ADK: variants seen among roughly 807,000 people sequenced by gnomAD.
ADK encodes N6,N6-dimethyladenosine kinase.
In ADK, 24 loss-of-function variants were observed where a neutral mutation model predicts 44.7. The ratio of observed to expected loss-of-function variants is 0.54; its 90% CI spans 0.39 to 0.76. The LOEUF (loss-of-function observed/expected upper bound fraction) is 0.76, where lower values mean the gene tolerates loss of function less well. ADK is among the 30% of genes least tolerant of loss of function. The pLI, the probability that ADK is intolerant of heterozygous loss-of-function variation, is 0.00. For missense variants in ADK, 321 were observed against 425.1 expected, an observed-to-expected ratio of 0.76 and a Z score of 2.15; for synonymous variants, 128 against 142.6, an observed-to-expected ratio of 0.90 and a Z score of 0.73.
At chr10:74,638,605 A>G (rs1396625851) in intron 9 of ADK, among the ~76,000 whole-genome samples, 2 of 152,236 alleles carry the variant, frequency 1.3e-5, no homozygotes, top group Non-Finnish European at 2.9e-5. Flanking sequence ...ACAGTGAGCT[A>G]TGATCATACC....
At position 74,553,190 on chromosome 10, in the gene ADK, G is replaced by GTTTTTTTTT. The variant is rs386371837; in HGVS notation, c.726+27785_726+27793dup. ...ACAAGACAATTTTTCAGCACATTGT[G>GTTTTTTTTT]TTTTTTTTTTTTTTTTTTTTTTTTT... On this transcript the variant is annotated intron_variant, in intron 7 of 10. Transcript: ENST00000539909. 1.3e-4 allele frequency among the ~76,000 whole-genome samples: 8 copies of GTTTTTTTTT among 60,438 alleles called. 1 individual carries two copies. The highest frequency in any genetic ancestry group is 2.8e-4 in the African/African-American group (4 of 14,378). 39.6% of individuals were successfully genotyped at this position (60,438 alleles called of 152,430 possible). A position where few individuals can be genotyped will look rare whatever the true frequency, so the allele number is the denominator to read the frequency against.
chr10:74,172,137 C>CTT (rs3998223), intron 1 of ADK, among the ~76,000 whole-genome samples: 15,536 of 122,396 alleles, frequency 0.13, 984 homozygotes, highest in Middle Eastern at 0.18. Context: ...CATGGATTTT[C>CTT]TTTTTTTTTT....
At chr10:74,435,276 T>C (rs1845143583) in intron 6 of ADK, among the ~76,000 whole-genome samples, 1 of 152,222 alleles carries the variant, frequency 6.6e-6, no homozygotes, top group Non-Finnish European at 1.5e-5. Context: ...CATTTACATT[T>C]ATTTAATGTT....
intron 1 of ADK, among the ~76,000 whole-genome samples, chr10:74,180,209 TTA>T (rs71790321): frequency 0.16 from 15,042 of 95,664 alleles, 825 homozygotes; most frequent in Middle Eastern, 0.29. Context: ...TCTTTTCTTT[TTA>T]TTATTATTAT....
chr10:74,276,471 A>G (rs1397360426), intron 3 of ADK, among the ~76,000 whole-genome samples: 1 of 152,204 alleles, frequency 6.6e-6, no homozygotes. Flanking sequence ...CAGATAACAA[A>G]TTGACACAAA....
At chr10:74,337,377 C>T (rs1841443087) in intron 4 of ADK, among the ~76,000 whole-genome samples, 1 of 152,136 alleles carries the variant, frequency 6.6e-6, no homozygotes, top group Non-Finnish European at 1.5e-5. Flanking sequence ...TTGCACCTGC[C>T]TGGTGCTGTG....
At chr10:74,436,213 T>C (rs1352711489) in intron 6 of ADK, among the ~76,000 whole-genome samples, 1 of 152,096 alleles carries the variant, frequency 6.6e-6, no homozygotes, top group Non-Finnish European at 1.5e-5. Context: ...GTAAACTAAA[T>C]TCACAAGATG....
intron 3 of ADK, among the ~76,000 whole-genome samples, chr10:74,233,327 G>C (rs946536975): frequency 3.9e-5 from 6 of 152,210 alleles, no homozygotes; most frequent in Non-Finnish European, 5.9e-5. Flanking sequence ...GGAGGTTCGT[G>C]TGTTGTGGGC....
At chr10:74,182,484 T>C (rs1842597007) in intron 1 of ADK, among the ~76,000 whole-genome samples, 1 of 152,082 alleles carries the variant, frequency 6.6e-6, no homozygotes, top group South Asian at 2.1e-4. Flanking sequence ...TTATCCTCTC[T>C]CAGCCTCCTG....
chr10:74,309,023 A>G (rs2131785117), intron 3 of ADK, among the ~76,000 whole-genome samples: 1 of 152,300 alleles, frequency 6.6e-6, no homozygotes, highest in African/African-American at 2.4e-5. Context: ...TATCTTATTT[A>G]TAAGTACTTT....
chr10:74,541,880 C>T (rs960450684), intron 7 of ADK, among the ~76,000 whole-genome samples: 3 of 134,942 alleles, frequency 2.2e-5, no homozygotes, highest in East Asian at 4.6e-4. Context: ...TAGTGTGTTT[C>T]GTTACTGGTA....
chr10:74,412,237 T>G (rs1844207657), intron 6 of ADK, among the ~76,000 whole-genome samples: 1 of 152,156 alleles, frequency 6.6e-6, no homozygotes, highest in South Asian at 2.1e-4. Flanking sequence ...GGCAGGGAAG[T>G]GCAGTAACAA....
intron 2 of ADK, among the ~76,000 whole-genome samples, chr10:74,220,017 A>G (rs1159252030): frequency 1.3e-5 from 2 of 150,526 alleles, no homozygotes; most frequent in Non-Finnish European, 3.0e-5. Flanking sequence ...AATAACTAAA[A>G]TCAGAGCAGA....
chr10:74,481,519 G>C (rs1847072362), intron 6 of ADK, among the ~76,000 whole-genome samples: 1 of 152,010 alleles, frequency 6.6e-6, no homozygotes, highest in African/African-American at 2.4e-5. Context: ...AGCCCAGCCA[G>C]TTTGTGTTTC....
intron 2 of ADK, among the ~76,000 whole-genome samples, chr10:74,204,506 G>A (rs1017452643): frequency 6.6e-6 from 1 of 151,884 alleles, no homozygotes; most frequent in Non-Finnish European, 1.5e-5. Flanking sequence ...AATGTCAAAG[G>A]GTAAGGCAAG....
At chr10:74,669,854 T>C (rs1047206452) in intron 9 of ADK, among the ~76,000 whole-genome samples, 1 of 152,164 alleles carries the variant, frequency 6.6e-6, no homozygotes, top group African/African-American at 2.4e-5. Context: ...ATACCAACAC[T>C]TCCTTTAGTT....
intron 4 of ADK, among the ~76,000 whole-genome samples, chr10:74,315,264 T>C (rs1417351944): frequency 2.0e-5 from 3 of 152,142 alleles, no homozygotes; most frequent in Non-Finnish European, 4.4e-5. Flanking sequence ...TATATAGATA[T>C]CTATATACAT....
chr10:74,627,266 A>C (rs1030906431), intron 9 of ADK, among the ~76,000 whole-genome samples: 1 of 152,148 alleles, frequency 6.6e-6, no homozygotes, highest in Non-Finnish European at 1.5e-5. Context: ...CCTTGAGCTC[A>C]GGAGTTCAAG....
intron 9 of ADK, among the ~76,000 whole-genome samples, chr10:74,629,834 G>C (rs1480867987): frequency 2.0e-5 from 3 of 152,064 alleles, no homozygotes; most frequent in Non-Finnish European, 4.4e-5. Flanking sequence ...AATGACCTTA[G>C]ATATCAGCTG....
Sources: allele counts gnomAD v4.1 joint callset (sites outside exome capture counted in the v4.1 genomes callset), GRCh38; gene constraint gnomAD v4.1.1; transcripts MANE v1.5; gene names NCBI Gene and HGNC (gene_info 2026-07-23, HGNC 2026-07-21).